The following FBXO31 variants were observed in gnomAD, a reference collection of about 807,000 sequenced individuals.
FBXO31 encodes F-box protein 31, also known as F-box only protein 31.
FBXO31 carries 24 observed loss-of-function variants against 54.4 expected under a neutral mutation model. The observed-to-expected ratio is 0.44, with a 90% CI of 0.32 to 0.62. FBXO31 has a LOEUF of 0.62. Among genes scored for constraint, FBXO31 ranks in the 20% least tolerant of loss-of-function variants. The probability of loss-of-function intolerance (pLI) is 0.05; values close to 1 mark genes in which losing one functional copy is unlikely to be tolerated. For missense variants in FBXO31, 665 were observed against 787.1 expected (o/e 0.84, Z 1.86); for synonymous variants, 388 against 335.6 (o/e 1.16, Z -1.71).
chr16:87,372,656 G>A (rs1906652271), intron 1 of FBXO31, among the ~76,000 whole-genome samples: 1 of 151,886 alleles, frequency 6.6e-6, no homozygotes, highest in Non-Finnish European at 1.5e-5. Flanking sequence ...AAACTCCTGG[G>A]CTCATGTGAT....
rs1893909315 is a variant in FBXO31, at chr16:87,333,818, G to A, written c.1397+68C>T. 3 of 1,508,212 alleles carry A rather than the reference G, an allele frequency of 2.0e-6. No individual in the cohort carries two copies. In the South Asian group the frequency reaches 3.9e-5, roughly 20 times the overall value. 93.4% of individuals were successfully genotyped at this position (1,508,212 alleles called of 1,614,324 possible). Reference sequence around the variant, plus strand: ...GGCCCTCTCCGCCTGTGCTAGGTGTGGGGCTGGGGCCCTCGCTGAAGCCCA... The same window carrying A: ...GGCCCTCTCCGCCTGTGCTAGGTGTAGGGCTGGGGCCCTCGCTGAAGCCCA... On this transcript the variant is annotated intron_variant, in intron 8 of 8. Coordinates refer to ENST00000311635, the MANE Select transcript of FBXO31 (RefSeq NM_024735.5).
At chr16:87,360,273 G>A (rs1855047999) in intron 2 of FBXO31, 22 bp downstream of exon 2, 7 of 1,605,824 alleles carry the variant, frequency 4.4e-6, no homozygotes, top group African/African-American at 1.3e-5. Flanking sequence ...AATCATGGAT[G>A]GTAACAAATA....
chr16:87,351,623 C>T (rs778644283), intron 2 of FBXO31, among the ~76,000 whole-genome samples: 1 of 152,154 alleles, frequency 6.6e-6, no homozygotes, highest in Non-Finnish European at 1.5e-5. Context: ...AATCCCAGAA[C>T]TTTAGGAGGC....
At chr16:87,351,206 G>A (rs186144020) in intron 2 of FBXO31, among the ~76,000 whole-genome samples, 8 of 152,254 alleles carry the variant, frequency 5.3e-5, no homozygotes, top group South Asian at 2.1e-4. Flanking sequence ...ACAAGCAAAC[G>A]GATTCATTCA....
intron 1 of FBXO31, among the ~76,000 whole-genome samples, chr16:87,361,030 G>A (rs780129783): frequency 5.3e-5 from 8 of 152,092 alleles, no homozygotes; most frequent in African/African-American, 1.7e-4. Context: ...CACCCAGCAC[G>A]TCCCAAGCAA....
chr16:87,341,612 C>T (rs553918736), intron 5 of FBXO31, among the ~76,000 whole-genome samples: 3 of 138,340 alleles, frequency 2.2e-5, no homozygotes, highest in Admixed American at 7.8e-5. Flanking sequence ...GCCAAGATCA[C>T]GTCACTGCAC....
intron 2 of FBXO31, among the ~76,000 whole-genome samples, chr16:87,356,446 G>A (rs1399266133): frequency 6.6e-6 from 1 of 151,958 alleles, no homozygotes; most frequent in East Asian, 1.9e-4. Flanking sequence ...TTCCAGCCCC[G>A]TGTTCCCCGT....
chr16:87,343,561 T>C (rs774365174), intron 4 of FBXO31, 37 bp downstream of exon 4: 6 of 1,563,436 alleles, frequency 3.8e-6, no homozygotes, highest in South Asian at 3.5e-5. Context: ...AGGACAGCCC[T>C]GGGACAGTGA....
intron 1 of FBXO31, among the ~76,000 whole-genome samples, chr16:87,381,605 G>C (rs1447533599): frequency 6.6e-6 from 1 of 152,204 alleles, no homozygotes. Context: ...ACTCTGTCCG[G>C]GAGGACTTGG....
intron 1 of FBXO31, among the ~76,000 whole-genome samples, chr16:87,371,100 A>G (rs1169334352): frequency 1.3e-5 from 2 of 152,212 alleles, no homozygotes; most frequent in Non-Finnish European, 2.9e-5. Context: ...TCCCACAGCC[A>G]GCATCCCCTC....
At position 87,342,907 on chromosome 16, in the gene FBXO31, G is replaced by A. The variant is rs1167268849; in HGVS notation, c.702C>T (p.Asp234=). 6.2e-7 allele frequency: 1 copy of A among 1,607,524 alleles called. No homozygotes were observed. The highest frequency in any genetic ancestry group is 8.5e-7 in the Non-Finnish European group (1 of 1,177,294). The part of the protein sequence containing the change: ...DEFSTKCNQT[D]HHRMSGGRQE... The stretch of plus-strand genomic sequence containing the variant: ...GCCTCCCGCCGGACATCCTGTGGTG[G>A]TCCGTCTGGTTGCACTTGGTGGAGA... Residue 234 remains aspartate, a synonymous_variant, in exon 5 of 9, where the codon GAC becomes GAT. Coordinates refer to ENST00000311635, the MANE Select transcript of FBXO31 (RefSeq NM_024735.5).
upstream of FBXO31, chr16:87,384,332 C>T (rs1045653684): frequency 6.6e-6 from 1 of 152,218 alleles, no homozygotes; most frequent in Non-Finnish European, 1.5e-5. Context: ...CCAAAAGGCC[C>T]GAGCTGCGGA....
At chr16:87,352,080 T>A (rs565271074) in intron 2 of FBXO31, among the ~76,000 whole-genome samples, 1 of 152,326 alleles carries the variant, frequency 6.6e-6, no homozygotes, top group South Asian at 2.1e-4. Context: ...CCCAGGTGAC[T>A]GTGATGTGTG....
chr16:87,383,378 C>A lies in FBXO31; in HGVS notation c.340+27G>T. On this transcript the variant is annotated intron_variant, in intron 1 of 8. Coordinates refer to ENST00000311635, the MANE Select transcript of FBXO31 (RefSeq NM_024735.5). The surrounding 1 kb of genome is among the most constrained non-coding windows in gnomAD (Gnocchi z 4.9). ...ACCTGGCAGGGACCCCCCGCCCCTCCCGGCCCCGCCACCCCCGCGCGCTCA... is the reference window on the plus strand; with the variant it reads ...ACCTGGCAGGGACCCCCCGCCCCTCACGGCCCCGCCACCCCCGCGCGCTCA... 1.3e-6 allele frequency: 2 copies of A among 1,502,474 alleles called. No individual in the cohort carries two copies. Among genetic ancestry groups the A allele is most frequent in the East Asian group, 2.7e-5 (1 of 37,458 alleles). 93.1% of individuals were successfully genotyped at this position (1,502,474 alleles called of 1,614,324 possible). A position where few individuals can be genotyped will look rare whatever the true frequency, so the allele number is the denominator to read the frequency against.
intron 8 of FBXO31, 91 bp from the exon 9 acceptor site, chr16:87,331,601 G>T (rs371533103): frequency 1.9e-6 from 2 of 1,071,180 alleles, no homozygotes; most frequent in Non-Finnish European, 2.7e-6. Context: ...GCTCTGTGCC[G>T]CAAGAGCCAC....
chr16:87,390,684 C>T (rs1288977011), upstream of FBXO31, among the ~76,000 whole-genome samples: 2 of 152,116 alleles, frequency 1.3e-5, no homozygotes, highest in East Asian at 1.9e-4. Flanking sequence ...TCGTGATCCT[C>T]CTGCCTTGAC....
intron 1 of FBXO31, among the ~76,000 whole-genome samples, chr16:87,365,769 AC>A (rs1187923186): frequency 6.6e-6 from 1 of 152,210 alleles, no homozygotes; most frequent in African/African-American, 2.4e-5. Context: ...AAGGTGGTTC[AC>A]GCCTGTAATC....
At chr16:87,363,785 A>C (rs1906239380) in intron 1 of FBXO31, among the ~76,000 whole-genome samples, 1 of 151,666 alleles carries the variant, frequency 6.6e-6, no homozygotes, top group Non-Finnish European at 1.5e-5. Flanking sequence ...TGGAGGAAAA[A>C]GGCAAATGAT....
At chr16:87,391,315 C>T (rs967682342), upstream of FBXO31, among the ~76,000 whole-genome samples, 3 of 152,154 alleles carry the variant, frequency 2.0e-5, no homozygotes. Context: ...TCAAAAAAAC[C>T]CCAAAGAATC....
Sources: gnomAD v4.1 joint callset for allele counts (sites outside exome capture counted in the v4.1 genomes callset) on GRCh38, gnomAD v4.1.1 for gene constraint, Gnocchi (gnomAD v3.1) non-coding constraint, MANE v1.5 for transcripts, NCBI Gene and HGNC (gene_info 2026-07-23, HGNC 2026-07-21) for gene names.